The following KANK1 variants were observed in gnomAD, a reference collection of about 807,000 sequenced individuals.
The protein encoded by KANK1 is KN motif and ankyrin repeat domain-containing protein 1.
KANK1 carries 109 observed loss-of-function variants against 106.2 expected under a neutral mutation model. That is an observed-to-expected ratio of 1.03 (90% CI 0.88 to 1.20). KANK1 has a LOEUF of 1.20. Among genes scored for constraint, KANK1 ranks in the 50% most tolerant of loss-of-function variants. The pLI, the probability that KANK1 is intolerant of heterozygous loss-of-function variation, is 0.00. For synonymous variants in KANK1, 873 were observed against 652.2 expected (o/e 1.34, Z -5.16); for missense variants, 2,399 against 1,710.7 (o/e 1.40, Z -7.10).
chr9:501,866 A>C (rs904117937), upstream of KANK1, among the ~76,000 whole-genome samples: 4 of 152,196 alleles, frequency 2.6e-5, no homozygotes, highest in African/African-American at 9.7e-5. Context: ...TCTTTATATA[A>C]ATCCAAGGGC....
chr9:661,743 T>A (rs71488146), intron 1 of KANK1, among the ~76,000 whole-genome samples: 127,202 of 151,720 alleles, frequency 0.84, 53,457 homozygotes, highest in East Asian at 0.97. Flanking sequence ...TCCCACCAAC[T>A]GTGTAAAAGT....
At chr9:661,484 A>C (rs1588673378) in intron 1 of KANK1, among the ~76,000 whole-genome samples, 1 of 152,270 alleles carries the variant, frequency 6.6e-6, no homozygotes, top group East Asian at 1.9e-4. Context: ...ATAGTATTCC[A>C]TGGTGTATAT....
chr9:729,279 A>C (rs1469364251), intron 3 of KANK1, among the ~76,000 whole-genome samples: 1 of 152,212 alleles, frequency 6.6e-6, no homozygotes, highest in African/African-American at 2.4e-5. Flanking sequence ...ACCATCATAC[A>C]AGTCATCTTG....
chr9:677,152 G>T, intron 2 of KANK1, 143 bp downstream of exon 2: 11 of 733,656 alleles, frequency 1.5e-5, no homozygotes, highest in Admixed American at 3.1e-5. Context: ...TTGAAGTTTG[G>T]GTTTGTTTTG....
chr9:684,667 T>G, intron 2 of KANK1: 3 of 755,866 alleles, frequency 4.0e-6, no homozygotes, highest in Non-Finnish European at 4.8e-6. Flanking sequence ...TATAGCTCAT[T>G]TGCTTCCTTT....
chr9:666,153 C>G (rs548290609), intron 1 of KANK1, among the ~76,000 whole-genome samples: 4 of 151,880 alleles, frequency 2.6e-5, no homozygotes, highest in East Asian at 1.9e-4. Context: ...AGAGTGCAAA[C>G]CTGGGTGACA....
At chr9:653,109 G>A (rs928079557) in intron 1 of KANK1, among the ~76,000 whole-genome samples, 2 of 152,154 alleles carry the variant, frequency 1.3e-5, no homozygotes, top group Admixed American at 6.5e-5. Context: ...GTCAGCTCAA[G>A]GAAGCCTTGT....
At chr9:611,348 A>T (rs181000959) in intron 1 of KANK1, among the ~76,000 whole-genome samples, 25 of 152,318 alleles carry the variant, frequency 1.6e-4, no homozygotes, top group Admixed American at 1.5e-3. Flanking sequence ...CCAATGTGTA[A>T]GCTTGGATGA....
chr9:609,593 G>T (rs998459314), intron 1 of KANK1, among the ~76,000 whole-genome samples: 1 of 152,048 alleles, frequency 6.6e-6, no homozygotes, highest in Admixed American at 6.6e-5. Flanking sequence ...TCGCTCCACT[G>T]TACTCCAGCC....
intron 1 of KANK1, among the ~76,000 whole-genome samples, chr9:559,382 A>T (rs1054809037): frequency 6.9e-6 from 1 of 143,948 alleles, no homozygotes; most frequent in Non-Finnish European, 1.5e-5. Flanking sequence ...AAGGATGATG[A>T]CTTTTTTATT....
intron 1 of KANK1, among the ~76,000 whole-genome samples, chr9:637,193 C>T (rs545509230): frequency 6.6e-6 from 1 of 152,306 alleles, no homozygotes; most frequent in Admixed American, 6.5e-5. Flanking sequence ...CTCAAGTTTG[C>T]TATTCCCAGG....
At chr9:570,364 G>T (rs889078180) in intron 1 of KANK1, among the ~76,000 whole-genome samples, 3 of 152,182 alleles carry the variant, frequency 2.0e-5, no homozygotes, top group Non-Finnish European at 4.4e-5. Context: ...GATAAGAGAG[G>T]TTTGCTGGCA....
intron 1 of KANK1, among the ~76,000 whole-genome samples, chr9:506,601 A>C (rs565652595): frequency 2.6e-5 from 4 of 152,298 alleles, no homozygotes; most frequent in African/African-American, 9.6e-5. Flanking sequence ...GACTAGGCTT[A>C]AAAGTAATTT....
Position 676,989 on chromosome 9 carries a change from A to G in KANK1, c.17A>G (p.Lys6Arg). 6.2e-7 allele frequency: 1 copy of G among 1,613,894 alleles called. No individual in the cohort carries two copies. The highest frequency in any genetic ancestry group is 8.5e-7 in the Non-Finnish European group (1 of 1,179,888). ...CAAGCCAGCATGGCTCACACCACAA[A>G]GGTTAACGGCAGTGCCTCAGGTAAC... MAHTT[K>R]VNGSASGKAG... The change falls in exon 2 of 12, where the codon AAG (lysine) becomes AGG (arginine). Residue 6 changes from lysine to arginine, a missense_variant. Coordinates refer to ENST00000382297, the MANE Select transcript of KANK1 (RefSeq NM_015158.5).
intron 1 of KANK1, among the ~76,000 whole-genome samples, chr9:615,390 CTT>C (rs767332557): frequency 6.6e-6 from 1 of 152,202 alleles, no homozygotes; most frequent in Admixed American, 6.5e-5. Context: ...AGAATTCCCT[CTT>C]TTTTTCTTTC....
chr9:556,297 A>G (rs1011061077), intron 1 of KANK1, among the ~76,000 whole-genome samples: 7 of 152,030 alleles, frequency 4.6e-5, no homozygotes, highest in Non-Finnish European at 1.0e-4. Context: ...TTTTCTCTGT[A>G]TGTGTCTGTA....
At chr9:532,025 A>G (rs1416952156) in intron 1 of KANK1, among the ~76,000 whole-genome samples, 2 of 152,174 alleles carry the variant, frequency 1.3e-5, no homozygotes. Flanking sequence ...TAAGTGTAAA[A>G]CATTCATTGG....
chr9:598,765 A>AGGG (rs1430865771), intron 1 of KANK1, among the ~76,000 whole-genome samples: 1 of 141,380 alleles, frequency 7.1e-6, no homozygotes, highest in African/African-American at 2.6e-5. Context: ...TGAGTAGCTG[A>AGGG]GATTACAGGC....
At chr9:692,530 CTT>C (rs1225180067) in intron 2 of KANK1, among the ~76,000 whole-genome samples, 1 of 133,314 alleles carries the variant, frequency 7.5e-6, no homozygotes, top group African/African-American at 2.8e-5. Context: ...TTACTTTAAA[CTT>C]TATTGAGCTG....
Sources: allele counts gnomAD v4.1 joint callset (sites outside exome capture counted in the v4.1 genomes callset), GRCh38; gene constraint gnomAD v4.1.1; transcripts MANE v1.5; gene names NCBI Gene and HGNC (gene_info 2026-07-23, HGNC 2026-07-21).